FGF9: variants seen among roughly 807,000 people sequenced by gnomAD.
The protein encoded by FGF9 is fibroblast growth factor 9.
FGF9 carries 3 observed loss-of-function variants against 19.9 expected under a neutral mutation model. The observed-to-expected ratio is 0.15, with a 90% CI of 0.07 to 0.39. The LOEUF (loss-of-function observed/expected upper bound fraction) is 0.39. Ranked by LOEUF, FGF9 falls within the 10% of genes least tolerant of loss-of-function variation. The probability of loss-of-function intolerance (pLI) is 1.00; values close to 1 mark genes in which losing one functional copy is unlikely to be tolerated. For synonymous variants in FGF9, 107 were observed against 106.9 expected (o/e 1.00, Z -0.01); for missense variants, 175 against 256.8 (o/e 0.68, Z 2.18).
At chr13:21,681,274 T>C in intron 2 of FGF9, 129 bp downstream of exon 2, 2 of 719,102 alleles carry the variant, frequency 2.8e-6, no homozygotes, top group South Asian at 3.4e-5. Context: ...GTTTTTACTT[T>C]TTGAGGAAAG....
At chr13:21,690,794 G>A (rs527452307) in intron 2 of FGF9, among the ~76,000 whole-genome samples, 12 of 152,318 alleles carry the variant, frequency 7.9e-5, no homozygotes, top group Non-Finnish European at 1.5e-4. Context: ...GATCTGTTTC[G>A]TGCCATGTGC....
At chr13:21,685,721 T>A (rs777565988) in intron 2 of FGF9, among the ~76,000 whole-genome samples, 13 of 152,146 alleles carry the variant, frequency 8.5e-5, no homozygotes, top group Admixed American at 5.2e-4. Flanking sequence ...AAATTTCCCA[T>A]AGTAGAGGAA....
intron 2 of FGF9, among the ~76,000 whole-genome samples, chr13:21,693,565 T>C (rs1026635450): frequency 2.6e-5 from 4 of 152,172 alleles, no homozygotes; most frequent in Non-Finnish European, 5.9e-5. Context: ...TGCTAACTTT[T>C]TGTTTTCTTA....
intron 2 of FGF9, among the ~76,000 whole-genome samples, chr13:21,689,420 A>G (rs749482862): frequency 1.3e-5 from 2 of 151,790 alleles, no homozygotes; most frequent in African/African-American, 2.4e-5. Context: ...GAACGAATGA[A>G]TGTATTGTCA....
intron 1 of FGF9, among the ~76,000 whole-genome samples, chr13:21,679,105 A>G (rs1871979855): frequency 6.6e-6 from 1 of 152,184 alleles, no homozygotes; most frequent in Non-Finnish European, 1.5e-5. Flanking sequence ...CTAGTAATAA[A>G]CTGGCTTCTT....
chr13:21,673,848 C>T (rs1871834370), intron 1 of FGF9, among the ~76,000 whole-genome samples: 1 of 150,654 alleles, frequency 6.6e-6, no homozygotes, highest in Admixed American at 6.6e-5. Flanking sequence ...TCGGCAGGTG[C>T]CCGCTCGGCC....
At chr13:21,687,770 T>A (rs887094601) in intron 2 of FGF9, among the ~76,000 whole-genome samples, 1 of 152,218 alleles carries the variant, frequency 6.6e-6, no homozygotes, top group Non-Finnish European at 1.5e-5. Context: ...GTCCTGATGG[T>A]GAAAGTATTG....
chr13:21,675,189 C>T (rs1194284051), intron 1 of FGF9, among the ~76,000 whole-genome samples: 1 of 151,850 alleles, frequency 6.6e-6, no homozygotes, highest in Non-Finnish European at 1.5e-5. Flanking sequence ...GTGCCACTCA[C>T]TCTGGCTGGG....
intron 2 of FGF9, among the ~76,000 whole-genome samples, chr13:21,700,499 C>T (rs964781255): frequency 2.6e-5 from 4 of 152,136 alleles, no homozygotes; most frequent in Non-Finnish European, 4.4e-5. Context: ...CTGCTATACA[C>T]GGAATGAAGT....
intron 2 of FGF9, among the ~76,000 whole-genome samples, chr13:21,686,402 A>C (rs1872159131): frequency 6.6e-6 from 1 of 152,214 alleles, no homozygotes; most frequent in Non-Finnish European, 1.5e-5. Flanking sequence ...CCATGAAAAA[A>C]TTAATCTCCT....
chr13:21,692,170 G>A (rs1872306916), intron 2 of FGF9, among the ~76,000 whole-genome samples: 1 of 152,120 alleles, frequency 6.6e-6, no homozygotes, highest in African/African-American at 2.4e-5. Flanking sequence ...TGCCTATTTA[G>A]CTGCCATGTT....
intron 1 of FGF9, among the ~76,000 whole-genome samples, chr13:21,674,513 G>A (rs954061675): frequency 1.3e-5 from 2 of 151,886 alleles, no homozygotes; most frequent in Non-Finnish European, 2.9e-5. Context: ...CGGGGTGTGC[G>A]CGGGAGCGCG....
At position 21,700,994 on chromosome 13, in the gene FGF9, CAT is replaced by C. The variant is rs1287891819; in HGVS notation, c.382-193_382-192del. 2.0e-5 allele frequency among the ~76,000 whole-genome samples: 3 copies of C among 152,206 alleles called. No individual in the cohort carries two copies. The East Asian group carries it at 5.8e-4, about 29-fold the overall frequency. The stretch of plus-strand genomic sequence containing the variant: ...ATATTGAATGTAGCTAATTATGCAA[CAT>C]ATTTATTTACCTTTTTAAAAAATTT... On this transcript the variant is annotated intron_variant, in intron 2 of 2. Coordinates refer to ENST00000382353, the MANE Select transcript of FGF9 (RefSeq NM_002010.3).
At chr13:21,700,642 A>G (rs546369645) in intron 2 of FGF9, among the ~76,000 whole-genome samples, 1 of 152,362 alleles carries the variant, frequency 6.6e-6, no homozygotes, top group South Asian at 2.1e-4. Flanking sequence ...CTGGTGTTAA[A>G]GCTGTTATAT....
At chr13:21,681,437 G>A (rs148082923) in intron 2 of FGF9, among the ~76,000 whole-genome samples, 6 of 152,268 alleles carry the variant, frequency 3.9e-5, no homozygotes, top group Admixed American at 3.9e-4. Flanking sequence ...TGTATTGAAT[G>A]AGAGTTATTT....
At position 21,680,766 on chromosome 13, in the gene FGF9, A is replaced by G. The variant is rs9509832; in HGVS notation, c.278-276A>G. Among the ~76,000 whole-genome samples, 42,767 of 152,166 alleles carry G rather than the reference A, an allele frequency of 0.28. 7,016 individuals carry two copies. Among genetic ancestry groups the G allele is most frequent in the East Asian group, 0.4 (2,061 of 5,174 alleles). ...TGTCCTATTACTTCTTAGCATATCT[A>G]TGTAGATACTAACTTTTTAATTTTT... On this transcript the variant is annotated intron_variant, in intron 1 of 2. Coordinates refer to ENST00000382353, the MANE Select transcript of FGF9 (RefSeq NM_002010.3).
chr13:21,686,260 A>G (rs1295816035), intron 2 of FGF9, among the ~76,000 whole-genome samples: 1 of 152,092 alleles, frequency 6.6e-6, no homozygotes, highest in Admixed American at 6.6e-5. Flanking sequence ...AATTCCTGAC[A>G]TCAAGTGATC....
chr13:21,683,914 T>C (rs971377263), intron 2 of FGF9, among the ~76,000 whole-genome samples: 2 of 152,280 alleles, frequency 1.3e-5, no homozygotes, highest in Admixed American at 6.5e-5. Context: ...CGTTCTTTAA[T>C]GTGGCACCCA....
In FGF9 at chr13:21,681,029, C is replaced by T. The variant is rs748467651; in HGVS notation, c.278-13C>T. On this transcript the variant is annotated splice_polypyrimidine_tract_variant and intron_variant, in intron 1 of 2. Coordinates refer to ENST00000382353, the MANE Select transcript of FGF9 (RefSeq NM_002010.3). ...ATCTGATCTGTCCTCTGCCTTCTAC[C>T]CTTTGTCTACAGGCATTCTGGAATT... 56 of 1,601,636 alleles carry T rather than the reference C, an allele frequency of 3.5e-5. No homozygotes were observed. The highest frequency in any genetic ancestry group is 4.6e-5 in the Non-Finnish European group (54 of 1,169,046).
Sources: allele counts gnomAD v4.1 joint callset (sites outside exome capture counted in the v4.1 genomes callset), GRCh38; gene constraint gnomAD v4.1.1; transcripts MANE v1.5; gene names NCBI Gene and HGNC (gene_info 2026-07-23, HGNC 2026-07-21).